Variants in SGCZ observed in about 807,000 individuals in gnomAD.
SGCZ encodes the protein sarcoglycan zeta.
A neutral mutation model predicts 41.3 loss-of-function variants in SGCZ; 40 were observed. The observed-to-expected ratio is 0.97, with a 90% CI of 0.75 to 1.26. SGCZ has a LOEUF of 1.26. SGCZ is among the 50% of genes most tolerant of loss of function. The probability of loss-of-function intolerance (pLI) is 0.00; values close to 1 mark genes in which losing one functional copy is unlikely to be tolerated. For synonymous variants in SGCZ, 206 were observed against 137.5 expected, an observed-to-expected ratio of 1.50 and a Z score of -3.49; for missense variants, 552 against 369.8, an observed-to-expected ratio of 1.49 and a Z score of -4.04.
chr8:14,815,499 C>A (rs1801876859), intron 1 of SGCZ, among the ~76,000 whole-genome samples: 1 of 151,638 alleles, frequency 6.6e-6, no homozygotes. Flanking sequence ...AATATTTCTT[C>A]CGGCAGTATA....
intron 2 of SGCZ, among the ~76,000 whole-genome samples, chr8:14,360,446 C>T (rs914958091): frequency 6.6e-6 from 1 of 151,956 alleles, no homozygotes; most frequent in African/African-American, 2.4e-5. Flanking sequence ...CTGCCTCAGC[C>T]TCCTGAGCAG....
chr8:14,980,283 G>A (rs1389719848), intron 1 of SGCZ, among the ~76,000 whole-genome samples: 2 of 152,130 alleles, frequency 1.3e-5, no homozygotes. Flanking sequence ...GAACAGAGAC[G>A]GTCCAGAGGA....
intron 1 of SGCZ, among the ~76,000 whole-genome samples, chr8:14,860,737 A>AGAAAGAAAGAAT (rs1803717634): frequency 7.2e-6 from 1 of 138,556 alleles, no homozygotes; most frequent in Non-Finnish European, 1.6e-5. Context: ...AAAGAAAGAA[A>AGAAAGAAAGAAT]GTAAGTAAGT....
chr8:14,495,855 A>G (rs77974261), intron 2 of SGCZ, among the ~76,000 whole-genome samples: 2,664 of 152,240 alleles, frequency 0.017, 42 homozygotes, highest in East Asian at 0.082. Flanking sequence ...AATTTCAGAG[A>G]AAAACAAGCC....
At chr8:14,818,985 T>C (rs1801988154) in intron 1 of SGCZ, among the ~76,000 whole-genome samples, 1 of 152,132 alleles carries the variant, frequency 6.6e-6, no homozygotes, top group African/African-American at 2.4e-5. Context: ...AAAAGTCATC[T>C]AATGAAATAA....
At chr8:14,871,255 G>A (rs1038839398) in intron 1 of SGCZ, among the ~76,000 whole-genome samples, 3 of 151,962 alleles carry the variant, frequency 2.0e-5, no homozygotes, top group Non-Finnish European at 4.4e-5. Context: ...GAGAGAATGT[G>A]GAGAAACAGG....
intron 1 of SGCZ, among the ~76,000 whole-genome samples, chr8:14,862,210 T>G (rs557096793): frequency 6.6e-6 from 1 of 152,106 alleles, no homozygotes; most frequent in African/African-American, 2.4e-5. Context: ...GCTTTCCTAT[T>G]ATTCAAATTG....
At chr8:14,514,951 T>A (rs1235809788) in intron 2 of SGCZ, among the ~76,000 whole-genome samples, 2 of 151,864 alleles carry the variant, frequency 1.3e-5, no homozygotes, top group East Asian at 3.9e-4. Context: ...ATATTTCAAG[T>A]GAACAGCATC....
intron 1 of SGCZ, among the ~76,000 whole-genome samples, chr8:15,137,878 T>G (rs1808172989): frequency 6.6e-6 from 1 of 152,166 alleles, no homozygotes; most frequent in African/African-American, 2.4e-5. Context: ...GGGCACTGCC[T>G]AATGGAGCTG....
chr8:14,814,730 C>A (rs190414876), intron 1 of SGCZ, among the ~76,000 whole-genome samples: 1 of 152,098 alleles, frequency 6.6e-6, no homozygotes, highest in African/African-American at 2.4e-5. Context: ...TCTCTCATCA[C>A]CAAATCTCAT....
intron 1 of SGCZ, among the ~76,000 whole-genome samples, chr8:15,162,289 A>T (rs7828345): frequency 3.9e-5 from 6 of 152,100 alleles, no homozygotes; most frequent in Non-Finnish European, 7.4e-5. Context: ...ATAACGAGGA[A>T]TTTTTTTAAA....
intron 1 of SGCZ, among the ~76,000 whole-genome samples, chr8:14,764,803 T>C (rs1190111431): frequency 6.6e-6 from 1 of 152,210 alleles, no homozygotes; most frequent in East Asian, 1.9e-4. Context: ...ATGCTACATA[T>C]TGTTGAATAA....
intron 1 of SGCZ, among the ~76,000 whole-genome samples, chr8:15,213,451 T>C (rs146067786): frequency 6.6e-6 from 1 of 151,670 alleles, no homozygotes; most frequent in African/African-American, 2.4e-5. Context: ...AAAAGATGTA[T>C]ATTTGAGAAA....
rs139672518 is a variant in SGCZ, at chr8:14,666,878, G to A, written c.40-111952C>T. Among the ~76,000 whole-genome samples, 592 of 151,790 alleles carry A rather than the reference G, an allele frequency of 3.9e-3. 4 individuals carry two copies. The highest frequency in any genetic ancestry group is 0.014 in the African/African-American group (560 of 41,364). ...ATTTCATAAAAAGAACTATTTTAAC[G>A]TCCATTAGGTACTAAAATATTCTAT... On this transcript the variant is annotated intron_variant, in intron 1 of 7. Coordinates refer to ENST00000382080, the MANE Select transcript of SGCZ (RefSeq NM_139167.4).
At chr8:14,974,414 C>A (rs2130869189) in intron 1 of SGCZ, among the ~76,000 whole-genome samples, 1 of 152,244 alleles carries the variant, frequency 6.6e-6, no homozygotes, top group East Asian at 1.9e-4. Context: ...CATGTGATAC[C>A]TGCAGCACCA....
intron 1 of SGCZ, among the ~76,000 whole-genome samples, chr8:14,916,444 A>G (rs1799441357): frequency 6.6e-6 from 1 of 152,222 alleles, no homozygotes. Context: ...AAGATCAGAT[A>G]GCAGAAATGT....
chr8:14,587,071 T>TA (rs1805083010), intron 1 of SGCZ, among the ~76,000 whole-genome samples: 1 of 151,992 alleles, frequency 6.6e-6, no homozygotes, highest in Non-Finnish European at 1.5e-5. Flanking sequence ...TTCATTTATT[T>TA]TACAACCAAG....
intron 1 of SGCZ, among the ~76,000 whole-genome samples, chr8:14,837,114 T>C (rs1802726005): frequency 6.6e-6 from 1 of 152,240 alleles, no homozygotes; most frequent in Admixed American, 6.5e-5. Flanking sequence ...TCACTGATAA[T>C]GCAGCAGGCA....
At chr8:14,298,913 A>G (rs10109318) in intron 3 of SGCZ, among the ~76,000 whole-genome samples, 72,996 of 151,698 alleles carry the variant, frequency 0.48, 18,638 homozygotes, top group East Asian at 0.57. Flanking sequence ...TGGATATCTT[A>G]TAGTACTTGA....
Sources: gnomAD v4.1 joint callset for allele counts (sites outside exome capture counted in the v4.1 genomes callset) on GRCh38, gnomAD v4.1.1 for gene constraint, MANE v1.5 for transcripts, NCBI Gene and HGNC (gene_info 2026-07-23, HGNC 2026-07-21) for gene names.